The following ACVR1 variants were observed in gnomAD, a reference collection of about 807,000 sequenced individuals.
The protein encoded by ACVR1 is activin receptor type-1.
In ACVR1, 38 loss-of-function variants were observed where a neutral mutation model predicts 57.1. That is an observed-to-expected ratio of 0.67 (90% CI 0.51 to 0.87). ACVR1 has a LOEUF of 0.87. ACVR1 is among the 40% of genes least tolerant of loss of function. The probability of loss-of-function intolerance (pLI) is 0.00; values close to 1 mark genes in which losing one functional copy is unlikely to be tolerated. For missense variants in ACVR1, 463 were observed against 638.2 expected (o/e 0.73, Z 2.96); for synonymous variants, 212 against 228.1 (o/e 0.93, Z 0.63).
At chr2:157,836,631 C>T (rs953109799) in intron 1 of ACVR1, among the ~76,000 whole-genome samples, 3 of 152,186 alleles carry the variant, frequency 2.0e-5, no homozygotes, top group Admixed American at 2.0e-4. Flanking sequence ...CTTCCCATGG[C>T]TTTCCCAACC....
chr2:157,789,818 A>G (rs1200669465), intron 3 of ACVR1, among the ~76,000 whole-genome samples: 1 of 152,244 alleles, frequency 6.6e-6, no homozygotes, highest in Non-Finnish European at 1.5e-5. Flanking sequence ...GTATAAAATG[A>G]AACAAAATAG....
At position 157,767,182 on chromosome 2, in the gene ACVR1, C is replaced by T. The variant is rs1438243968; in HGVS notation, c.791-986G>A. 2.6e-5 allele frequency among the ~76,000 whole-genome samples: 4 copies of T among 152,186 alleles called. No homozygotes were observed. In the East Asian group the frequency reaches 7.7e-4, roughly 29 times the overall value. On this transcript the variant is annotated intron_variant, in intron 7 of 10. Coordinates refer to ENST00000434821, the MANE Select transcript of ACVR1 (RefSeq NM_001111067.4). Reference sequence around the variant, plus strand: ...GAGTAGCTGGGATTACAGGGGCCCACCATCACGCCGGGCTAATTTTTTATA... The same window carrying T: ...GAGTAGCTGGGATTACAGGGGCCCATCATCACGCCGGGCTAATTTTTTATA...
Position 157,766,121 on chromosome 2 carries a change from C to A in ACVR1, c.866G>T (p.Gly289Val). The A allele has an allele frequency of 1.9e-6, 3 of 1,614,080 alleles. No homozygotes were observed. The highest frequency in any genetic ancestry group is 2.5e-6 in the Non-Finnish European group (3 of 1,179,974). The change falls in exon 8 of 11, where the codon GGA becomes GTA. Residue 289 changes from glycine (G) to valine (V), a missense_variant. This residue lies in a region of ACVR1 where 114 missense variants were observed against 216.2 expected (regional missense o/e 0.53). Transcript: ENST00000434821. ...AAGCTGAAGATAGTCGTACAACGAT[C>A]CCATTTCATGATAATGTGTAATTAA... is the stretch of plus-strand genomic sequence containing the variant. ...LWLITHYHEM[G>V]SLYDYLQLTT... is the part of the protein sequence containing the mutation.
chr2:157,754,651 T>C (rs1440795325), intron 9 of ACVR1, among the ~76,000 whole-genome samples: 1 of 152,094 alleles, frequency 6.6e-6, no homozygotes, highest in South Asian at 2.1e-4. Flanking sequence ...CAGGACCAGA[T>C]GAATTCACAG....
At chr2:157,875,034 A>C (rs1044365293) in intron 1 of ACVR1, 1 of 152,202 alleles carries the variant, frequency 6.6e-6, no homozygotes, top group Non-Finnish European at 1.5e-5. Context: ...TATCTGGCAC[A>C]AACTGGACAG....
At position 157,761,050 on chromosome 2, in the gene ACVR1, G is replaced by A; in HGVS notation, c.1094C>T (p.Thr365Ile). ...LGLAVMHSQSTNQLDVGNNPR... is the reference protein window; with the variant it reads ...LGLAVMHSQSINQLDVGNNPR... ...ATTGTTCCCCACATCAAGCTGATTG[G>A]TGCTCTGGGAATGCATGACTGCCAG... The change falls in exon 9 of 11, where the codon ACC (threonine) becomes ATC (isoleucine). Residue 365 changes from threonine (T) to isoleucine (I), a missense_variant. By Grantham distance (89) the Thr-to-Ile change is moderately conservative (BLOSUM62 -1). Transcript: ENST00000434821. 6.2e-7 allele frequency: 1 copy of A among 1,614,070 alleles called. No individual in the cohort carries two copies.
intron 3 of ACVR1, among the ~76,000 whole-genome samples, chr2:157,795,534 A>T (rs1687078328): frequency 6.6e-6 from 1 of 151,910 alleles, no homozygotes; most frequent in Non-Finnish European, 1.5e-5. Flanking sequence ...CCATTTTTTT[A>T]AAAAAACAGC....
At chr2:157,795,433 C>A (rs1687075257) in intron 3 of ACVR1, among the ~76,000 whole-genome samples, 2 of 140,886 alleles carry the variant, frequency 1.4e-5, no homozygotes, top group African/African-American at 5.4e-5. Flanking sequence ...CACACAAACA[C>A]AATAGGGAGT....
At position 157,765,869 on chromosome 2, in the gene ACVR1, C is replaced by CATA; in HGVS notation, c.1066+51_1066+52insTAT. The CATA allele has an allele frequency of 5.0e-6, 8 of 1,589,508 alleles. No homozygotes were observed. In the Admixed American group the frequency reaches 6.7e-5, roughly 13 times the overall value. ...GGGGGAGAGATGCAACTCACCTAAC[C>CATA]ATTGAAACAAAAATAAAACTGGTGA... is the stretch of plus-strand genomic sequence containing the variant. On this transcript the variant is annotated intron_variant, in intron 8 of 10. Transcript: ENST00000434821.
At chr2:157,738,370 T>G (rs1316556924) in intron 10 of ACVR1, 70 bp downstream of exon 10, 1 of 1,609,276 alleles carries the variant, frequency 6.2e-7, no homozygotes, top group Non-Finnish European at 8.5e-7. Flanking sequence ...CAATACCAGT[T>G]GAAACTCAAA....
chr2:157,770,803 T>C (rs1324387601), intron 6 of ACVR1, among the ~76,000 whole-genome samples: 1 of 152,208 alleles, frequency 6.6e-6, no homozygotes, highest in African/African-American at 2.4e-5. Context: ...TCAGTTTACA[T>C]TTAAATTCCT....
At chr2:157,747,367 T>C (rs1359423270) in intron 9 of ACVR1, among the ~76,000 whole-genome samples, 1 of 152,156 alleles carries the variant, frequency 6.6e-6, no homozygotes, top group Non-Finnish European at 1.5e-5. Context: ...ATCATTTCCC[T>C]GAACGAAATC....
chr2:157,819,124 C>A (rs985546665), intron 1 of ACVR1, among the ~76,000 whole-genome samples: 1 of 148,104 alleles, frequency 6.8e-6, no homozygotes, highest in Non-Finnish European at 1.5e-5. Context: ...CTGCAGTCAG[C>A]ACATTTCAAA....
At chr2:157,775,784 T>C (rs1326418929) in intron 5 of ACVR1, among the ~76,000 whole-genome samples, 1 of 152,344 alleles carries the variant, frequency 6.6e-6, no homozygotes, top group East Asian at 1.9e-4. Context: ...TGTATGATCC[T>C]GCTTCTAAAC....
At chr2:157,802,450 C>T (rs1461165091) in intron 2 of ACVR1, among the ~76,000 whole-genome samples, 1 of 152,096 alleles carries the variant, frequency 6.6e-6, no homozygotes, top group African/African-American at 2.4e-5. Context: ...GCACTCTAGG[C>T]ACTCTACTCA....
chr2:157,742,449 A>C (rs1055122893), intron 9 of ACVR1, among the ~76,000 whole-genome samples: 1 of 152,200 alleles, frequency 6.6e-6, no homozygotes, highest in Non-Finnish European at 1.5e-5. Flanking sequence ...AGCGTGACTC[A>C]AAGGGCCACG....
chr2:157,827,500 G>A (rs1263198407), intron 1 of ACVR1, among the ~76,000 whole-genome samples: 1 of 152,286 alleles, frequency 6.6e-6, no homozygotes, highest in African/African-American at 2.4e-5. Flanking sequence ...TGCCAGTCCT[G>A]TAATGAGTTA....
chr2:157,846,849 G>A (rs1451633929), intron 1 of ACVR1, among the ~76,000 whole-genome samples: 1 of 152,238 alleles, frequency 6.6e-6, no homozygotes, highest in African/African-American at 2.4e-5. Context: ...TCCTGGCCTC[G>A]AGGGCAGGAG....
At chr2:157,768,174 A>G (rs988536589) in intron 7 of ACVR1, among the ~76,000 whole-genome samples, 1 of 152,066 alleles carries the variant, frequency 6.6e-6, no homozygotes, top group Non-Finnish European at 1.5e-5. Flanking sequence ...CTCTAAGCCT[A>G]TTCCCATGGC....
Sources: gnomAD v4.1 joint callset for allele counts (sites outside exome capture counted in the v4.1 genomes callset) on GRCh38, gnomAD v4.1.1 for gene constraint, gnomAD v4.1.1 regional missense constraint, MANE v1.5 for transcripts, NCBI Gene and HGNC (gene_info 2026-07-23, HGNC 2026-07-21) for gene names.